MRO: variants seen among roughly 807,000 people sequenced by gnomAD.
The protein encoded by MRO is protein maestro.
In MRO, 28 loss-of-function variants were observed where a neutral mutation model predicts 31.0. The ratio of observed to expected loss-of-function variants is 0.90; its 90% CI spans 0.67 to 1.24. MRO has a LOEUF of 1.24. Among genes scored for constraint, MRO ranks in the 50% most tolerant of loss-of-function variants. The pLI is 0.00. For synonymous variants in MRO, 108 were observed against 108.4 expected (o/e 1.00, Z 0.02); for missense variants, 332 against 289.2 (o/e 1.15, Z -1.07).
chr18:50,822,865 G>A (rs1236709309), upstream of MRO, among the ~76,000 whole-genome samples: 1 of 151,930 alleles, frequency 6.6e-6, no homozygotes, highest in Non-Finnish European at 1.5e-5. Flanking sequence ...CAGAGTGCTC[G>A]GCAGGTGGGA....
In MRO at chr18:50,797,626, C is replaced by G. The variant is rs1439666327; in HGVS notation, c.*1711G>C. 1 of 152,238 alleles carries G rather than the reference C, an allele frequency of 6.6e-6. No individual in the cohort carries two copies. The highest frequency in any genetic ancestry group is 1.5e-5 in the Non-Finnish European group (1 of 68,078). 9.4% of individuals were successfully genotyped at this position (152,238 alleles called of 1,614,324 possible). A position where few individuals can be genotyped will look rare whatever the true frequency, so the allele number is the denominator to read the frequency against. ...AGCACGTAACCCCACCCATCTCACC[C>G]TATCCCCACCTTTTTGAATGCCAGC... On this transcript the variant is annotated 3_prime_UTR_variant, in exon 8 of 8. Transcript: ENST00000398439.
chr18:50,812,437 A>G (rs1914552416), intron 2 of MRO, among the ~76,000 whole-genome samples: 1 of 152,186 alleles, frequency 6.6e-6, no homozygotes, highest in Non-Finnish European at 1.5e-5. Context: ...ATGATTTACA[A>G]ATATTTTCTC....
intron 5 of MRO, among the ~76,000 whole-genome samples, chr18:50,802,714 T>TTTTTG (rs1913472337): frequency 1.6e-4 from 25 of 152,022 alleles, no homozygotes; most frequent in Admixed American, 5.9e-4. Context: ...GTTTTTGTTT[T>TTTTTG]TTTTTGTTTT....
Position 50,825,018 on chromosome 18 carries a change from G to A in MRO, c.-127+291C>T, listed in dbSNP as rs72627216. 5.1e-3 allele frequency among the ~76,000 whole-genome samples: 756 copies of A among 148,786 alleles called. 21 individuals carry two copies. The East Asian group carries it at 0.066, about 13-fold the overall frequency. On this transcript the variant is annotated intron_variant, in intron 1 of 7. Transcript: ENST00000256425. The stretch of plus-strand genomic sequence containing the variant: ...TGGGAGGCAGAGGTCGCAGTGAGCC[G>A]AGATCGCACCACTGCACTCCACTCC...
chr18:50,821,824 G>T (rs1409740732), upstream of MRO, among the ~76,000 whole-genome samples: 1 of 152,224 alleles, frequency 6.6e-6, no homozygotes, highest in African/African-American at 2.4e-5. Flanking sequence ...AACTGGAATT[G>T]ATATCCAGGA....
intron 7 of MRO, 150 bp downstream of exon 7, chr18:50,799,886 C>A (rs987570966): frequency 3.9e-5 from 23 of 587,368 alleles, no homozygotes; most frequent in Non-Finnish European, 5.9e-6. Flanking sequence ...ACTTGCTCTT[C>A]TCAGAAAAAA....
chr18:50,805,823 T>C (rs1179726477), intron 4 of MRO, among the ~76,000 whole-genome samples: 1 of 152,166 alleles, frequency 6.6e-6, no homozygotes, highest in Non-Finnish European at 1.5e-5. Flanking sequence ...CTCTCACAGC[T>C]GATATTGCTG....
intron 2 of MRO, chr18:50,814,487 A>G (rs142782524): frequency 4.0e-4 from 72 of 179,760 alleles, no homozygotes; most frequent in African/African-American, 1.6e-3. Context: ...CATTTTGAGG[A>G]ATGGGGCACA....
intron 5 of MRO, among the ~76,000 whole-genome samples, chr18:50,803,697 G>C (rs1345053539): frequency 6.6e-6 from 1 of 152,160 alleles, no homozygotes; most frequent in Non-Finnish European, 1.5e-5. Context: ...TGTGTCTCTG[G>C]AGCAGGTGAG....
At chr18:50,801,678 C>A (rs1913343673) in intron 5 of MRO, among the ~76,000 whole-genome samples, 174 bp from the exon 6 acceptor site, 1 of 151,924 alleles carries the variant, frequency 6.6e-6, no homozygotes, top group Admixed American at 6.6e-5. Context: ...TGGTCTAAAG[C>A]ACTTAGCTGG....
At chr18:50,824,740 C>T (rs1196432975), upstream of MRO, among the ~76,000 whole-genome samples, 1 of 147,826 alleles carries the variant, frequency 6.8e-6, no homozygotes, top group African/African-American at 2.5e-5. Flanking sequence ...AGGCATGAGC[C>T]ACCACATTCA....
At chr18:50,811,504 G>T (rs1042404048) in intron 2 of MRO, among the ~76,000 whole-genome samples, 4 of 152,000 alleles carry the variant, frequency 2.6e-5, no homozygotes, top group Non-Finnish European at 4.4e-5. Flanking sequence ...TGTTTTCAAG[G>T]TTCATCCATG....
intron 2 of MRO, among the ~76,000 whole-genome samples, chr18:50,810,627 T>G (rs1914398017): frequency 6.6e-6 from 1 of 152,218 alleles, no homozygotes; most frequent in Non-Finnish European, 1.5e-5. Flanking sequence ...TGAAAGAATA[T>G]AATATACATA....
At position 50,798,130 on chromosome 18, in the gene MRO, T is replaced by C. The variant is rs1396207466; in HGVS notation, c.*1207A>G. Reference sequence around the variant, plus strand: ...CTGAATTCAGGGGTGGTACCAGAGTTTCTATAGAAGCTTGGGATGCAATCT... The same window carrying C: ...CTGAATTCAGGGGTGGTACCAGAGTCTCTATAGAAGCTTGGGATGCAATCT... On this transcript the variant is annotated 3_prime_UTR_variant, in exon 8 of 8. Coordinates refer to ENST00000398439, the MANE Select transcript of MRO (RefSeq NM_031939.6). 2 of 152,162 alleles carry C rather than the reference T, an allele frequency of 1.3e-5. No individual in the cohort carries two copies. The highest frequency in any genetic ancestry group is 2.4e-5 in the African/African-American group (1 of 41,418). The allele number at this position is 152,162 out of a possible 1,614,324, so 9.4% of individuals were successfully genotyped here.
In MRO at chr18:50,805,109, G is replaced by A. The variant is rs748799443; in HGVS notation, c.429+45C>T. 27 of 1,521,036 alleles carry A rather than the reference G, an allele frequency of 1.8e-5. No homozygotes were observed. The Admixed American group carries it at 2.2e-4, about 12-fold the overall frequency. The allele number at this position is 1,521,036 out of a possible 1,614,324, so 94.2% of individuals were successfully genotyped here. A position where few individuals can be genotyped will look rare whatever the true frequency, so the allele number is the denominator to read the frequency against. On this transcript the variant is annotated intron_variant, in intron 5 of 7. Coordinates refer to ENST00000398439, the MANE Select transcript of MRO (RefSeq NM_031939.6). The stretch of plus-strand genomic sequence containing the variant: ...CCCGGCCCCACAGTCATATTTCTAA[G>A]CCCATTTTGATTTCAATAACCCAGA...
At chr18:50,812,990 A>C (rs1914595836) in intron 2 of MRO, among the ~76,000 whole-genome samples, 1 of 152,208 alleles carries the variant, frequency 6.6e-6, no homozygotes, top group Non-Finnish European at 1.5e-5. Context: ...TTCCAGGGAC[A>C]TGGGACTTTC....
At chr18:50,801,030 A>G (rs545162258) in intron 6 of MRO, among the ~76,000 whole-genome samples, 2 of 152,234 alleles carry the variant, frequency 1.3e-5, no homozygotes, top group Non-Finnish European at 2.9e-5. Flanking sequence ...CTAAGTGGGC[A>G]TGAATAAATA....
At chr18:50,812,282 T>C (rs961107160) in intron 2 of MRO, among the ~76,000 whole-genome samples, 9 of 152,226 alleles carry the variant, frequency 5.9e-5, no homozygotes, top group African/African-American at 1.7e-4. Context: ...CTAAGCATCT[T>C]TTCGTGTGCT....
At chr18:50,824,443 C>CTT (rs35455658), upstream of MRO, among the ~76,000 whole-genome samples, 3 of 139,346 alleles carry the variant, frequency 2.2e-5, no homozygotes, top group Non-Finnish European at 3.2e-5. Context: ...ACTGTCTTTT[C>CTT]TTTTTTTTTT....
Sources: allele counts gnomAD v4.1 joint callset (sites outside exome capture counted in the v4.1 genomes callset), GRCh38; gene constraint gnomAD v4.1.1; transcripts MANE v1.5; gene names NCBI Gene and HGNC (gene_info 2026-07-23, HGNC 2026-07-21).